ADAMTSL1: variants seen among roughly 807,000 people sequenced by gnomAD.
ADAMTSL1 encodes the protein ADAMTS like 1.
In ADAMTSL1, 126 loss-of-function variants were observed where a neutral mutation model predicts 201.8. That is an observed-to-expected ratio of 0.62 (90% CI 0.54 to 0.72). The LOEUF is 0.72. ADAMTSL1 is among the 30% of genes least tolerant of loss of function. ADAMTSL1 has a pLI of 0.00. For synonymous variants in ADAMTSL1, 1,121 were observed against 903.4 expected (o/e 1.24, Z -4.32); for missense variants, 2,679 against 2,277.8 (o/e 1.18, Z -3.59).
chr9:18,509,829 A>G (rs1373128273), intron 2 of ADAMTSL1, among the ~76,000 whole-genome samples: 2 of 152,208 alleles, frequency 1.3e-5, no homozygotes, highest in Non-Finnish European at 2.9e-5. Context: ...AATTGGGACT[A>G]TTCTTCAATC....
chr9:18,437,067 A>G (rs1563960301), intron 2 of ADAMTSL1, among the ~76,000 whole-genome samples: 3 of 151,360 alleles, frequency 2.0e-5, no homozygotes, highest in African/African-American at 7.3e-5. Flanking sequence ...GTCACCATCT[A>G]GGATGGTTGT....
At chr9:18,487,819 C>A (rs575904604) in intron 1 of ADAMTSL1, among the ~76,000 whole-genome samples, 2 of 152,172 alleles carry the variant, frequency 1.3e-5, no homozygotes, top group East Asian at 3.8e-4. Context: ...AGGAGCCTCC[C>A]CAGTGTGCTG....
intron 2 of ADAMTSL1, among the ~76,000 whole-genome samples, chr9:18,460,509 G>A (rs1820770312): frequency 6.6e-6 from 1 of 152,126 alleles, no homozygotes; most frequent in South Asian, 2.1e-4. Context: ...GCAGACGGTT[G>A]TGAAAAATTA....
rs1386810620 is a variant in ADAMTSL1, at chr9:17,927,576, A to G, written c.87+20654A>G. ...GCAACTTCAGATCAAAATATCTAAA[A>G]ACAATAAAAAACAGATGGTTGCATC... On this transcript the variant is annotated intron_variant, in intron 1 of 29. Transcript: ENST00000680146. Among the ~76,000 whole-genome samples, 4 of 152,104 alleles carry G rather than the reference A, an allele frequency of 2.6e-5. No individual in the cohort carries two copies. The East Asian group carries it at 7.7e-4, about 29-fold the overall frequency.
At chr9:18,646,929 T>G (rs1186911326) in intron 7 of ADAMTSL1, among the ~76,000 whole-genome samples, 3 of 152,120 alleles carry the variant, frequency 2.0e-5, no homozygotes, top group African/African-American at 7.2e-5. Flanking sequence ...GGATTCCCTC[T>G]TTTTCTATTG....
intron 4 of ADAMTSL1, among the ~76,000 whole-genome samples, chr9:18,601,956 A>G (rs1317301541): frequency 1.7e-5 from 2 of 117,334 alleles, no homozygotes; most frequent in Non-Finnish European, 3.8e-5. Context: ...GAAATATCTC[A>G]TATCTTTTCC....
intron 1 of ADAMTSL1, among the ~76,000 whole-genome samples, chr9:17,937,868 C>T (rs1226631049): frequency 6.6e-6 from 1 of 152,094 alleles, no homozygotes; most frequent in Admixed American, 6.6e-5. Context: ...TGGTGTTTTA[C>T]AATTCATGTT....
chr9:18,142,611 T>C (rs1011333126), intron 1 of ADAMTSL1, among the ~76,000 whole-genome samples: 1 of 152,134 alleles, frequency 6.6e-6, no homozygotes, highest in Non-Finnish European at 1.5e-5. Flanking sequence ...TAAATATATC[T>C]CTTGCCACAG....
At chr9:18,370,381 G>T (rs1836989577) in intron 2 of ADAMTSL1, among the ~76,000 whole-genome samples, 1 of 151,936 alleles carries the variant, frequency 6.6e-6, no homozygotes, top group East Asian at 1.9e-4. Flanking sequence ...TGAGTGATGG[G>T]TTACTAGAAG....
At chr9:18,703,260 C>G (rs1056390395) in intron 13 of ADAMTSL1, among the ~76,000 whole-genome samples, 10 of 152,182 alleles carry the variant, frequency 6.6e-5, no homozygotes, top group African/African-American at 2.4e-4. Context: ...CTTGCCTGCC[C>G]TCTCACTGAC....
intron 21 of ADAMTSL1, among the ~76,000 whole-genome samples, chr9:18,817,525 A>G (rs1027383960): frequency 1.3e-5 from 2 of 152,212 alleles, no homozygotes; most frequent in South Asian, 4.1e-4. Flanking sequence ...GATGGGGGCA[A>G]GGAGTTCCAA....
chr9:18,294,628 G>T lies in ADAMTSL1; in HGVS notation c.207+130647G>T, dbSNP rs1833401322. Among the ~76,000 whole-genome samples, 3 of 152,318 alleles carry T rather than the reference G, an allele frequency of 2.0e-5. No individual in the cohort carries two copies. The South Asian group carries it at 6.2e-4, about 32-fold the overall frequency. On this transcript the variant is annotated intron_variant, in intron 2 of 29. Transcript: ENST00000680146. ...CTTGAACTGAGTGGGAAGGGAAAAT[G>T]CTGTGGGAATGCTTGAGCCCTTTCT...
intron 2 of ADAMTSL1, among the ~76,000 whole-genome samples, chr9:18,169,929 C>T (rs1424193947): frequency 1.3e-5 from 2 of 151,954 alleles, no homozygotes; most frequent in African/African-American, 2.4e-5. Context: ...GGAATGCTCA[C>T]AACTATAACT....
In ADAMTSL1 at chr9:18,622,250, G is replaced by T; in HGVS notation, c.482G>T (p.Gly161Val). The change falls in exon 5 of 29, where the codon GGC becomes GTC. Residue 161 changes from glycine to valine, a missense_variant. Coordinates refer to ENST00000380548, the MANE Select transcript of ADAMTSL1 (RefSeq NM_001040272.6). ...ATCTCTCTTTCTTGTTAGATTGTTGGCTGCGATCACCAGCTGGGAAGCACC... is the reference window on the plus strand; with the variant it reads ...ATCTCTCTTTCTTGTTAGATTGTTGTCTGCGATCACCAGCTGGGAAGCACC... ...MCISGLCQIVGCDHQLGSTVK... is the reference protein window; with the variant it reads ...MCISGLCQIVVCDHQLGSTVK... 6.2e-7 allele frequency: 1 copy of T among 1,613,716 alleles called. No individual in the cohort carries two copies. The highest frequency in any genetic ancestry group is 2.2e-5 in the East Asian group (1 of 44,844).
At chr9:18,725,806 T>G (rs1474891912) in intron 15 of ADAMTSL1, among the ~76,000 whole-genome samples, 3 of 152,244 alleles carry the variant, frequency 2.0e-5, no homozygotes, top group Non-Finnish European at 2.9e-5. Flanking sequence ...GATAGTTTTC[T>G]ATGAATTTAT....
intron 1 of ADAMTSL1, among the ~76,000 whole-genome samples, chr9:17,981,443 G>T (rs564253753): frequency 6.9e-4 from 105 of 152,266 alleles, no homozygotes; most frequent in African/African-American, 2.2e-3. Flanking sequence ...AGTCACTACA[G>T]GTCTCTTTCT....
chr9:18,586,692 A>G (rs1587645493), intron 4 of ADAMTSL1, among the ~76,000 whole-genome samples: 1 of 152,256 alleles, frequency 6.6e-6, no homozygotes, highest in African/African-American at 2.4e-5. Flanking sequence ...CTGACTTCAA[A>G]CTATAGTACA....
chr9:17,916,015 G>C (rs1826078010), intron 1 of ADAMTSL1, among the ~76,000 whole-genome samples: 1 of 152,050 alleles, frequency 6.6e-6, no homozygotes, highest in Non-Finnish European at 1.5e-5. Context: ...CACCTTCTGT[G>C]TTCAAACAAT....
chr9:18,717,349 T>C (rs1833014664), intron 14 of ADAMTSL1, among the ~76,000 whole-genome samples: 1 of 151,822 alleles, frequency 6.6e-6, no homozygotes, highest in African/African-American at 2.4e-5. Flanking sequence ...TTAAAGGCAA[T>C]CTGTTGAAGA....
Sources: allele counts gnomAD v4.1 joint callset (sites outside exome capture counted in the v4.1 genomes callset), GRCh38; gene constraint gnomAD v4.1.1; transcripts MANE v1.5; gene names NCBI Gene and HGNC (gene_info 2026-07-23, HGNC 2026-07-21).